Variants in SLC7A2 observed in about 807,000 individuals in gnomAD.
SLC7A2 encodes solute carrier family 7 member 2.
In SLC7A2, 48 loss-of-function variants were observed where a neutral mutation model predicts 58.9. That is an observed-to-expected ratio of 0.82 (90% confidence interval 0.65 to 1.04). The LOEUF (loss-of-function observed/expected upper bound fraction) is 1.04, where lower values mean the gene tolerates loss of function less well. Ranked by LOEUF, SLC7A2 falls within the 50% of genes least tolerant of loss-of-function variation. The probability of loss-of-function intolerance (pLI) is 0.00; values close to 1 mark genes in which losing one functional copy is unlikely to be tolerated. For synonymous variants in SLC7A2, 363 were observed against 314.5 expected (o/e 1.15, Z -1.63); for missense variants, 1,029 against 818.8 (o/e 1.26, Z -3.13).
intron 8 of SLC7A2, among the ~76,000 whole-genome samples, chr8:17,556,670 A>G (rs938699938): frequency 2.0e-5 from 3 of 151,748 alleles, no homozygotes; most frequent in African/African-American, 7.3e-5. Context: ...GTGTAGTGGC[A>G]CGATCTTGGC....
rs1490170839 is a variant in SLC7A2 at position 17,570,017 on chromosome 8, C to A, written c.*4871C>A. ...GTTTGGGCTCCTTAATTCCAAACATCCCATGAGTATATCAAGATGAATAAG... is the reference window on the plus strand; with the variant it reads ...GTTTGGGCTCCTTAATTCCAAACATACCATGAGTATATCAAGATGAATAAG... On this transcript the variant is annotated 3_prime_UTR_variant, in exon 13 of 13. Transcript: ENST00000494857. The A allele has an allele frequency of 6.6e-6, 1 of 152,128 alleles. No homozygotes were observed. Among genetic ancestry groups the A allele is most frequent in the African/African-American group, 2.4e-5 (1 of 41,418 alleles). 9.4% of individuals were successfully genotyped at this position (152,128 alleles called of 1,614,324 possible).
At chr8:17,544,748 G>A in intron 4 of SLC7A2, 142 bp downstream of exon 4, 1 of 696,908 alleles carries the variant, frequency 1.4e-6, no homozygotes, top group South Asian at 2.3e-5. Context: ...GACATCTGTG[G>A]GGTTTATCAC....
rs757332264 is a variant in SLC7A2, at chr8:17,562,158, C to G, written c.1671+48C>G. 1.1e-5 allele frequency: 10 copies of G among 951,948 alleles called. No homozygotes were observed. The African/African-American group carries it at 2.2e-4, about 21-fold the overall frequency. The allele number at this position is 951,948 out of a possible 1,614,324, so 59.0% of individuals were successfully genotyped here. On this transcript the variant is annotated intron_variant, in intron 11 of 12. Coordinates refer to ENST00000494857, the MANE Select transcript of SLC7A2 (RefSeq NM_001370338.1). The stretch of plus-strand genomic sequence containing the variant: ...ACCCAAAATACTGTATTCATTTTCT[C>G]TGTATAATTAGTTTGGTAAGTATTT...
chr8:17,519,582 G>A (rs1171457220), intron 2 of SLC7A2, among the ~76,000 whole-genome samples: 1 of 152,098 alleles, frequency 6.6e-6, no homozygotes, highest in East Asian at 1.9e-4. Flanking sequence ...GGAGTATTGG[G>A]TTCTTTTCAC....
intron 2 of SLC7A2, among the ~76,000 whole-genome samples, chr8:17,537,535 C>T (rs908253837): frequency 6.6e-6 from 1 of 152,164 alleles, no homozygotes; most frequent in Non-Finnish European, 1.5e-5. Context: ...AGTCAGATGT[C>T]TCTCTGGTCC....
rs768856387 is a variant in SLC7A2, at chr8:17,561,945, T to C, written c.1506T>C (p.Ala502=). ...SLVSFLVGFL[A]FLVLGLSVLT... is the part of the protein sequence containing the mutation. ...TGTTATCTACACATCCCCCTGCAGC[T>C]TTCCTCGTGTTGGGCCTGAGTGTCT... The change falls in exon 11 of 13, where the codon GCT becomes GCC. Residue 502 remains alanine (A), a splice_region_variant and synonymous_variant. Coordinates refer to ENST00000494857, the MANE Select transcript of SLC7A2 (RefSeq NM_001370338.1). 3 of 1,613,924 alleles carry C rather than the reference T, an allele frequency of 1.9e-6. No individual in the cohort carries two copies. Among genetic ancestry groups the C allele is most frequent in the South Asian group, 1.1e-5 (1 of 91,080 alleles).
intron 2 of SLC7A2, among the ~76,000 whole-genome samples, chr8:17,533,550 A>C (rs1457890934): frequency 6.6e-6 from 1 of 152,198 alleles, no homozygotes; most frequent in Admixed American, 6.5e-5. Context: ...CAGGGTGGTG[A>C]TTTGAAAGGG....
At chr8:17,506,982 G>A (rs1340119363) in intron 2 of SLC7A2, among the ~76,000 whole-genome samples, 3 of 141,928 alleles carry the variant, frequency 2.1e-5, no homozygotes, top group Admixed American at 1.5e-4. Context: ...CTCTCACTCT[G>A]TTGCCAGGCT....
chr8:17,507,079 G>C (rs769888574), intron 2 of SLC7A2, among the ~76,000 whole-genome samples: 4 of 151,884 alleles, frequency 2.6e-5, no homozygotes, highest in Non-Finnish European at 5.9e-5. Context: ...CAGGTAGCTG[G>C]GACCATAGGC....
At chr8:17,511,629 C>T (rs1273588243) in intron 2 of SLC7A2, among the ~76,000 whole-genome samples, 1 of 152,158 alleles carries the variant, frequency 6.6e-6, no homozygotes, top group Non-Finnish European at 1.5e-5. Flanking sequence ...AACCATTAAA[C>T]ATTATACATT....
At position 17,562,603 on chromosome 8, in the gene SLC7A2, T is replaced by C. The variant is rs910082341; in HGVS notation, c.1671+493T>C. Among the ~76,000 whole-genome samples the C allele has an allele frequency of 2.0e-5, 3 of 152,264 alleles. No individual in the cohort carries two copies. The South Asian group carries it at 6.2e-4, about 32-fold the overall frequency. Reference sequence around the variant, plus strand: ...ATCCACCTGCCTCAACAACTTCTAATGTGGTTAGCCAGTGAATGAGAGTGT... The same window carrying C: ...ATCCACCTGCCTCAACAACTTCTAACGTGGTTAGCCAGTGAATGAGAGTGT... On this transcript the variant is annotated intron_variant, in intron 11 of 12. Coordinates refer to ENST00000494857, the MANE Select transcript of SLC7A2 (RefSeq NM_001370338.1).
chr8:17,551,310 G>C (rs886202771), intron 6 of SLC7A2, among the ~76,000 whole-genome samples: 1 of 152,138 alleles, frequency 6.6e-6, no homozygotes, highest in Non-Finnish European at 1.5e-5. Flanking sequence ...ATGTAAAACA[G>C]ATGGATCAGC....
chr8:17,512,870 A>G (rs1326677862), intron 2 of SLC7A2, among the ~76,000 whole-genome samples: 1 of 152,122 alleles, frequency 6.6e-6, no homozygotes, highest in Non-Finnish European at 1.5e-5. Flanking sequence ...AACTTTATAC[A>G]TGTGGAATCA....
chr8:17,511,497 A>G lies in SLC7A2; in HGVS notation c.-23+9195A>G, dbSNP rs1369177579. On this transcript the variant is annotated intron_variant, in intron 2 of 12. Transcript: ENST00000494857. ...AGGGAGGGCTCAGTGCTTGATTTGA[A>G]TTAGACTAATACAGTTACTGGTTTT... 2.0e-5 allele frequency among the ~76,000 whole-genome samples: 3 copies of G among 152,318 alleles called. No individual in the cohort carries two copies. The South Asian group carries it at 6.2e-4, about 32-fold the overall frequency.
intron 6 of SLC7A2, 137 bp downstream of exon 6, chr8:17,550,571 C>T (rs1802402642): frequency 1.4e-6 from 1 of 701,946 alleles, no homozygotes; most frequent in Non-Finnish European, 2.3e-6. Flanking sequence ...CCAGCTGTGA[C>T]ACGTGCTGCT....
intron 2 of SLC7A2, among the ~76,000 whole-genome samples, chr8:17,513,119 G>A (rs772465591): frequency 2.6e-5 from 4 of 152,184 alleles, no homozygotes; most frequent in Admixed American, 6.5e-5. Context: ...TGTGAACGTG[G>A]CTGTGCAAAT....
At chr8:17,500,148 G>GT (rs766582749) in intron 1 of SLC7A2, 17 of 152,176 alleles carry the variant, frequency 1.1e-4, no homozygotes, top group Non-Finnish European at 1.9e-4. Context: ...TTTAAGAGCA[G>GT]TTTTTTATTT....
At chr8:17,542,060 A>T (rs1243934796) in intron 2 of SLC7A2, among the ~76,000 whole-genome samples, 2 of 152,198 alleles carry the variant, frequency 1.3e-5, no homozygotes, top group African/African-American at 2.4e-5. Flanking sequence ...TATAATAAGC[A>T]TGTGTATTTT....
At chr8:17,502,663 G>A (rs1800211033) in intron 2 of SLC7A2, among the ~76,000 whole-genome samples, 1 of 152,058 alleles carries the variant, frequency 6.6e-6, no homozygotes, top group Non-Finnish European at 1.5e-5. Context: ...GGGTGGAGGG[G>A]GTTTTGGACA....
Sources: allele counts gnomAD v4.1 joint callset (sites outside exome capture counted in the v4.1 genomes callset), GRCh38; gene constraint gnomAD v4.1.1; transcripts MANE v1.5; gene names NCBI Gene and HGNC (gene_info 2026-07-23, HGNC 2026-07-21).